CCT8: variants seen among roughly 807,000 people sequenced by gnomAD.
CCT8 encodes chaperonin containing TCP1 subunit 8.
A neutral mutation model predicts 65.7 loss-of-function variants in CCT8; 10 were observed. The observed-to-expected ratio is 0.15, with a 90% CI of 0.09 to 0.26. The LOEUF (loss-of-function observed/expected upper bound fraction) is 0.26. Among genes scored for constraint, CCT8 ranks in the 10% least tolerant of loss-of-function variants. The probability of loss-of-function intolerance (pLI) is 1.00; values close to 1 mark genes in which losing one functional copy is unlikely to be tolerated. For synonymous variants in CCT8, 199 were observed against 221.8 expected (o/e 0.90, Z 0.92); for missense variants, 568 against 669.1 (o/e 0.85, Z 1.67).
intron 1 of CCT8, chr21:29,073,110 G>C: frequency 3.7e-6 from 1 of 269,448 alleles, no homozygotes; most frequent in Non-Finnish European, 5.9e-6. Flanking sequence ...GCTAGTTCTC[G>C]TTCTTCCCCA....
Position 29,062,379 on chromosome 21 carries a change from T to C in CCT8, c.1045A>G (p.Ser349Gly), listed in dbSNP as rs201833105. The C allele has an allele frequency of 1.2e-6, 2 of 1,614,020 alleles. No individual in the cohort carries two copies. Among genetic ancestry groups the C allele is most frequent in the Non-Finnish European group, 1.7e-6 (2 of 1,179,896 alleles). ...PVLEEMGHCDSVYLSEVGDTQ... is the reference protein window; with the variant it reads ...PVLEEMGHCDGVYLSEVGDTQ... ...TCTCCAACTTCTGAGAGGTAAACAC[T>C]GTCACAGTGTCCCATTTCTTCAAGG... The change falls in exon 10 of 15, where the codon AGT becomes GGT. Residue 349 changes from serine (S) to glycine (G), a missense_variant. Physicochemically the swap from Ser to Gly is moderately conservative, Grantham distance 56 (BLOSUM62 0). Coordinates refer to ENST00000286788, the MANE Select transcript of CCT8 (RefSeq NM_006585.4).
chr21:29,070,039 T>C (rs1476340239), intron 2 of CCT8, among the ~76,000 whole-genome samples: 1 of 152,138 alleles, frequency 6.6e-6, no homozygotes, highest in East Asian at 1.9e-4. Context: ...CTCAACAGGA[T>C]AAAAAGTAAT....
intron 7 of CCT8, 119 bp from the exon 8 acceptor site, chr21:29,063,649 G>A: frequency 6.9e-6 from 6 of 867,568 alleles, no homozygotes; most frequent in East Asian, 5.1e-5. Context: ...AGATATATGT[G>A]CATATATTAT....
intron 3 of CCT8, among the ~76,000 whole-genome samples, chr21:29,069,097 T>C (rs915143703): frequency 6.6e-6 from 1 of 152,180 alleles, no homozygotes; most frequent in African/African-American, 2.4e-5. Context: ...CACTGTTATA[T>C]GTATACGTTT....
At chr21:29,056,798 A>G (rs2085503665) in intron 14 of CCT8, among the ~76,000 whole-genome samples, 1 of 152,370 alleles carries the variant, frequency 6.6e-6, no homozygotes, top group Middle Eastern at 3.4e-3. Context: ...ATTAGTGAAC[A>G]TTCCAAGACA....
chr21:29,060,671 C>T lies in CCT8; in HGVS notation c.1450-11G>A. The stretch of plus-strand genomic sequence containing the variant: ...AGCAGGGACTTCAGCCTGTCAAACA[C>T]AATTTTCATCCTTTCATTTAAAATC... On this transcript the variant is annotated splice_polypyrimidine_tract_variant and intron_variant, in intron 13 of 14. Transcript: ENST00000286788. The T allele has an allele frequency of 5.6e-6, 9 of 1,610,654 alleles. No individual in the cohort carries two copies. The highest frequency in any genetic ancestry group is 7.6e-6 in the Non-Finnish European group (9 of 1,178,838).
intron 1 of CCT8, among the ~76,000 whole-genome samples, chr21:29,072,428 T>G (rs2085692044): frequency 6.6e-6 from 1 of 152,226 alleles, no homozygotes; most frequent in Non-Finnish European, 1.5e-5. Context: ...TAATGTTTTG[T>G]GATACACGAG....
At chr21:29,073,025 T>C (rs1266893832) in intron 1 of CCT8, among the ~76,000 whole-genome samples, 4 of 152,214 alleles carry the variant, frequency 2.6e-5, no homozygotes, top group Non-Finnish European at 5.9e-5. Context: ...TCAACTAAGC[T>C]GAAAGCCGTA....
intron 7 of CCT8, among the ~76,000 whole-genome samples, chr21:29,063,929 G>A (rs2085591903): frequency 6.6e-6 from 1 of 152,066 alleles, no homozygotes; most frequent in South Asian, 2.1e-4. Flanking sequence ...ACCACGCCCA[G>A]CTAATTTTTG....
chr21:29,072,544 C>A (rs952302720), intron 1 of CCT8, among the ~76,000 whole-genome samples: 1 of 152,098 alleles, frequency 6.6e-6, no homozygotes, highest in Non-Finnish European at 1.5e-5. Flanking sequence ...ATTATTCCAC[C>A]AACATTTACC....
intron 1 of CCT8, chr21:29,073,314 A>T: frequency 7.1e-7 from 1 of 1,406,798 alleles, no homozygotes; most frequent in Non-Finnish European, 9.3e-7. Context: ...CGTGCCGCCG[A>T]TCCCTCGGCC....
chr21:29,060,531 C>A lies in CCT8; in HGVS notation c.1569+10G>T. On this transcript the variant is annotated intron_variant, in intron 14 of 14. Coordinates refer to ENST00000286788, the MANE Select transcript of CCT8 (RefSeq NM_006585.4). The stretch of plus-strand genomic sequence containing the variant: ...AGTATTTTTAAAGATCAAAATTTCA[C>A]TTTGCTCACCTGATCCACTCTAAGT... 6.2e-7 allele frequency: 1 copy of A among 1,612,408 alleles called. No individual in the cohort carries two copies. The highest frequency in any genetic ancestry group is 1.7e-4 in the Middle Eastern group (1 of 6,052).
At chr21:29,058,597 T>C (rs1046019983) in intron 14 of CCT8, among the ~76,000 whole-genome samples, 2 of 149,590 alleles carry the variant, frequency 1.3e-5, no homozygotes, top group African/African-American at 2.4e-5. Context: ...TTTCTTCTTT[T>C]TTTTTTTTTT....
Position 29,069,492 on chromosome 21 carries a change from T to C in CCT8, c.162A>G (p.Lys54=). The C allele has an allele frequency of 6.4e-7, 1 of 1,565,514 alleles. No homozygotes were observed. Among genetic ancestry groups the C allele is most frequent in the Non-Finnish European group, 8.6e-7 (1 of 1,157,254 alleles). The change falls in exon 3 of 15, where the codon AAA becomes AAG. Residue 54 remains lysine (K), a synonymous_variant. Transcript: ENST00000286788. ...ACTTCTCCAAGTGGTTGATAACCAT[T>C]TTGTTCATTCCTCAAAAGTAACAGT... ...RTAYGPNGMN[K]MVINHLEKLF...
At chr21:29,066,631 ATTT>A (rs376201722) in intron 6 of CCT8, 82 bp downstream of exon 6, 99 of 666,530 alleles carry the variant, frequency 1.5e-4, no homozygotes, top group Middle Eastern at 4.0e-4. Flanking sequence ...AGATGAACAC[ATTT>A]TTTTTTTTTT....
In CCT8 at chr21:29,064,984, A is replaced by G; in HGVS notation, c.746T>C (p.Met249Thr). Residue 249 changes from methionine to threonine, a missense_variant, in exon 7 of 15, where the codon ATG becomes ACG. Met to Thr is a moderately conservative substitution (Grantham distance 81, BLOSUM62 -1). Transcript: ENST00000286788. Reference sequence around the variant, plus strand: ...TCTACATACCTTAGTTTCTGTTATCATGCCATCAAAAGGACAAGAGTACAC... The same window carrying G: ...TCTACATACCTTAGTTTCTGTTATCGTGCCATCAAAAGGACAAGAGTACAC... ...IAVYSCPFDGMITETKGTVLI... is the reference protein window; with the variant it reads ...IAVYSCPFDGTITETKGTVLI... 1 of 1,613,874 alleles carries G rather than the reference A, an allele frequency of 6.2e-7. No individual in the cohort carries two copies. The highest frequency in any genetic ancestry group is 1.1e-5 in the South Asian group (1 of 91,078).
chr21:29,060,272 T>C (rs1396514426), intron 14 of CCT8, among the ~76,000 whole-genome samples: 1 of 152,168 alleles, frequency 6.6e-6, no homozygotes, highest in African/African-American at 2.4e-5. Context: ...TTTATGGTCC[T>C]TCCAAATTCC....
chr21:29,064,762 AAAT>A (rs2085602975), intron 7 of CCT8, among the ~76,000 whole-genome samples: 1 of 152,230 alleles, frequency 6.6e-6, no homozygotes, highest in African/African-American at 2.4e-5. Flanking sequence ...GTCAGATTAT[AAAT>A]AATACGGCCA....
In CCT8 at chr21:29,062,119, G is replaced by C. The variant is rs1247063481; in HGVS notation, c.1212+9C>G. 1 of 1,548,868 alleles carries C rather than the reference G, an allele frequency of 6.5e-7. No individual in the cohort carries two copies. The highest frequency in any genetic ancestry group is 8.9e-7 in the Non-Finnish European group (1 of 1,122,432). On this transcript the variant is annotated intron_variant, in intron 11 of 14. Coordinates refer to ENST00000286788, the MANE Select transcript of CCT8 (RefSeq NM_006585.4). ...CTTACAAACTACTAAGAATATTGCTGATACTGACCCTTGTAAGAACTTTGA... is the reference window on the plus strand; with the variant it reads ...CTTACAAACTACTAAGAATATTGCTCATACTGACCCTTGTAAGAACTTTGA...
Sources: gnomAD v4.1 joint callset for allele counts (sites outside exome capture counted in the v4.1 genomes callset) on GRCh38, gnomAD v4.1.1 for gene constraint, MANE v1.5 for transcripts, NCBI Gene and HGNC (gene_info 2026-07-23, HGNC 2026-07-21) for gene names.